OSCP1: variants seen among roughly 807,000 people sequenced by gnomAD.
OSCP1 encodes organic solute carrier partner 1, also known as protein OSCP1.
In OSCP1, 35 loss-of-function variants were observed where a neutral mutation model predicts 45.1. The ratio of observed to expected loss-of-function variants is 0.78; its 90% CI spans 0.59 to 1.03. OSCP1 has a LOEUF of 1.03. Ranked by LOEUF, OSCP1 falls within the 50% of genes least tolerant of loss-of-function variation. The pLI is 0.00. For synonymous variants in OSCP1, 179 were observed against 180.1 expected, an observed-to-expected ratio of 0.99 and a Z score of 0.05; for missense variants, 400 against 470.7, an observed-to-expected ratio of 0.85 and a Z score of 1.39.
intron 4 of OSCP1, among the ~76,000 whole-genome samples, chr1:36,426,481 C>T (rs1271230097): frequency 6.6e-6 from 1 of 152,186 alleles, no homozygotes; most frequent in African/African-American, 2.4e-5. Context: ...CCATCCATCC[C>T]ATTGCCTGTC....
At chr1:36,435,406 C>CA (rs1439029565) in intron 2 of OSCP1, among the ~76,000 whole-genome samples, 2 of 151,864 alleles carry the variant, frequency 1.3e-5, no homozygotes, top group Non-Finnish European at 2.9e-5. Context: ...CTGGGCCTCT[C>CA]AAAGTGCTGG....
At chr1:36,439,713 T>C (rs1211051833) in intron 1 of OSCP1, among the ~76,000 whole-genome samples, 1 of 152,238 alleles carries the variant, frequency 6.6e-6, no homozygotes, top group Admixed American at 6.5e-5. Flanking sequence ...AATAGCACCA[T>C]TTTTGAATGC....
intron 2 of OSCP1, among the ~76,000 whole-genome samples, chr1:36,433,314 T>G (rs1342102133): frequency 1.3e-5 from 2 of 152,144 alleles, no homozygotes; most frequent in East Asian, 3.9e-4. Flanking sequence ...AGGAAAGACA[T>G]TCCAGTTGAG....
chr1:36,429,280 G>C (rs536857718), intron 4 of OSCP1, among the ~76,000 whole-genome samples: 4 of 151,928 alleles, frequency 2.6e-5, no homozygotes, highest in East Asian at 3.9e-4. Context: ...CCAGTTACTC[G>C]AGAGGCTGAG....
In OSCP1 at chr1:36,431,894, A is replaced by G. The variant is rs1392656887; in HGVS notation, c.436-12T>C. On this transcript the variant is annotated splice_polypyrimidine_tract_variant and intron_variant, in intron 3 of 9. Coordinates refer to ENST00000235532, the MANE Select transcript of OSCP1 (RefSeq NM_145047.5). ...AGACCACCATATATCTGCCAAAGGCAAGCAGAAAGCAGCACTTCACTTTCC... is the reference window on the plus strand; with the variant it reads ...AGACCACCATATATCTGCCAAAGGCGAGCAGAAAGCAGCACTTCACTTTCC... 6.2e-7 allele frequency: 1 copy of G among 1,611,320 alleles called. No individual in the cohort carries two copies. Among genetic ancestry groups the G allele is most frequent in the Admixed American group, 1.7e-5 (1 of 59,840 alleles).
rs1649646886 is a variant in OSCP1, at chr1:36,447,975, A to G, written c.112+2283T>C. 1 of 432,454 alleles carries G rather than the reference A, an allele frequency of 2.3e-6. No homozygotes were observed. The allele number at this position is 432,454 out of a possible 1,614,324, so 26.8% of individuals were successfully genotyped here. The stretch of plus-strand genomic sequence containing the variant: ...ATTTAGCAAAAGCAGAAAAAAGGCT[A>G]TAACTCCTAAAGGTAAAGCTGTCCT... On this transcript the variant is annotated intron_variant, in intron 1 of 9. Coordinates refer to ENST00000235532, the MANE Select transcript of OSCP1 (RefSeq NM_145047.5). The surrounding 1 kb of genome is among the most constrained non-coding windows in gnomAD (Gnocchi z 4.1).
intron 4 of OSCP1, among the ~76,000 whole-genome samples, chr1:36,424,066 C>T (rs1168993378): frequency 6.6e-6 from 1 of 151,982 alleles, no homozygotes; most frequent in Non-Finnish European, 1.5e-5. Context: ...CCGTCATAGC[C>T]CCCAAGTAGC....
intron 2 of OSCP1, among the ~76,000 whole-genome samples, chr1:36,436,357 G>T (rs976306150): frequency 1.3e-5 from 2 of 151,112 alleles, no homozygotes; most frequent in Non-Finnish European, 3.0e-5. Flanking sequence ...TGATCCACCC[G>T]CCTCAGCCTC....
intron 3 of OSCP1, among the ~76,000 whole-genome samples, chr1:36,432,098 C>T (rs766511367): frequency 6.6e-6 from 1 of 152,092 alleles, no homozygotes; most frequent in Non-Finnish European, 1.5e-5. Flanking sequence ...CTTCCTGTCT[C>T]CCATTCTCCA....
chr1:36,441,585 A>G (rs1649158361), intron 1 of OSCP1, among the ~76,000 whole-genome samples: 2 of 149,050 alleles, frequency 1.3e-5, no homozygotes, highest in Non-Finnish European at 3.0e-5. Context: ...CGTCTCCACT[A>G]AAAAAAAATA....
rs748001754 is a variant in OSCP1 at position 36,422,903 on chromosome 1, T to C, written c.621-7A>G. 3 of 1,589,272 alleles carry C rather than the reference T, an allele frequency of 1.9e-6. No homozygotes were observed. In the South Asian group the frequency reaches 3.5e-5, roughly 18 times the overall value. The stretch of plus-strand genomic sequence containing the variant: ...ACCTTTGTTGTTGAACATTCTACAA[T>C]ACAAAGTATGACATGATGGAATGTT... On this transcript the variant is annotated splice_region_variant and splice_polypyrimidine_tract_variant and intron_variant, in intron 5 of 9. Coordinates refer to ENST00000235532, the MANE Select transcript of OSCP1 (RefSeq NM_145047.5).
At chr1:36,420,197 C>T (rs1246274131) in intron 8 of OSCP1, 4 of 241,910 alleles carry the variant, frequency 1.7e-5, no homozygotes, top group South Asian at 1.9e-4. Flanking sequence ...AGGATGGCCT[C>T]GACCTCCTGA....
intron 2 of OSCP1, 61 bp from the exon 3 acceptor site, chr1:36,432,650 CCAAA>C: frequency 6.3e-7 from 1 of 1,599,688 alleles, no homozygotes; most frequent in Non-Finnish European, 8.6e-7. Context: ...GTGAGAATCT[CCAAA>C]CAGTGATTCA....
At chr1:36,436,621 C>T (rs1269333757) in intron 2 of OSCP1, among the ~76,000 whole-genome samples, 1 of 152,208 alleles carries the variant, frequency 6.6e-6, no homozygotes, top group African/African-American at 2.4e-5. Flanking sequence ...TCCCAAAGCA[C>T]TGATATTAGA....
chr1:36,429,523 C>T (rs1046837543), intron 4 of OSCP1, among the ~76,000 whole-genome samples: 2 of 134,656 alleles, frequency 1.5e-5, no homozygotes, highest in Non-Finnish European at 3.1e-5. Flanking sequence ...ATTCAAAATT[C>T]AGAAGCTTAG....
intron 1 of OSCP1, among the ~76,000 whole-genome samples, chr1:36,445,879 A>C (rs1015150301): frequency 6.7e-6 from 1 of 149,756 alleles, no homozygotes; most frequent in African/African-American, 2.5e-5. Flanking sequence ...CATGCCGGCT[A>C]ATTTTTTATT....
intron 3 of OSCP1, 59 bp from the exon 4 acceptor site, chr1:36,431,941 C>A: frequency 6.6e-7 from 1 of 1,506,922 alleles, no homozygotes; most frequent in South Asian, 1.2e-5. Context: ...GTAGTACGCA[C>A]CGGCAGGGCA....
At position 36,447,932 on chromosome 1, in the gene OSCP1, C is replaced by T. The variant is rs142769463; in HGVS notation, c.112+2326G>A. On this transcript the variant is annotated intron_variant, in intron 1 of 9. Coordinates refer to ENST00000235532, the MANE Select transcript of OSCP1 (RefSeq NM_145047.5). This position sits in a 1 kb window ranked among gnomAD's most constrained non-coding sequence, Gnocchi z 4.1. The stretch of plus-strand genomic sequence containing the variant: ...GCGAATGTAAATTACTAAAGATGGC[C>T]GAAACTCCCAAAACCATATTTAGCA... 724 of 450,182 alleles carry T rather than the reference C, an allele frequency of 1.6e-3. 5 individuals carry two copies. Among genetic ancestry groups the T allele is most frequent in the African/African-American group, 0.012 (581 of 50,012 alleles). 27.9% of individuals were successfully genotyped at this position (450,182 alleles called of 1,614,324 possible).
chr1:36,449,450 T>A (rs1649743605), intron 1 of OSCP1, among the ~76,000 whole-genome samples: 2 of 152,168 alleles, frequency 1.3e-5, no homozygotes, highest in African/African-American at 4.8e-5. Context: ...TTATCTATAT[T>A]ATTTTAGAAC....
Sources: gnomAD v4.1 joint callset for allele counts (sites outside exome capture counted in the v4.1 genomes callset) on GRCh38, gnomAD v4.1.1 for gene constraint, Gnocchi (gnomAD v3.1) non-coding constraint, MANE v1.5 for transcripts, NCBI Gene and HGNC (gene_info 2026-07-23, HGNC 2026-07-21) for gene names.